DDX10: variants seen among roughly 807,000 people sequenced by gnomAD.
The protein encoded by DDX10 is DEAD-box helicase 10, also known as probable ATP-dependent RNA helicase DDX10.
In DDX10, 74 loss-of-function variants were observed where a neutral mutation model predicts 104.3. The ratio of observed to expected loss-of-function variants is 0.71; its 90% CI spans 0.59 to 0.86. The LOEUF is 0.86. Among genes scored for constraint, DDX10 ranks in the 40% least tolerant of loss-of-function variants. DDX10 has a pLI of 0.00. For missense variants in DDX10, 952 were observed against 1,040.0 expected, an observed-to-expected ratio of 0.92 and a Z score of 1.16; for synonymous variants, 351 against 353.4, an observed-to-expected ratio of 0.99 and a Z score of 0.08.
At chr11:108,765,005 A>T (rs2094354862) in intron 13 of DDX10, among the ~76,000 whole-genome samples, 1 of 152,208 alleles carries the variant, frequency 6.6e-6, no homozygotes, top group Admixed American at 6.5e-5. Flanking sequence ...GCAATTTAAA[A>T]TTTATTTCTT....
intron 13 of DDX10, among the ~76,000 whole-genome samples, chr11:108,837,328 A>G (rs2134592394): frequency 6.6e-6 from 1 of 152,298 alleles, no homozygotes; most frequent in East Asian, 1.9e-4. Flanking sequence ...TGGAAGCTGC[A>G]TTGGGTTAAG....
rs187911651 is a variant in DDX10 at position 108,827,596 on chromosome 11, A to C, written c.1966-10850A>C. Among the ~76,000 whole-genome samples the C allele has an allele frequency of 3.2e-4, 49 of 152,346 alleles. No individual in the cohort carries two copies. The East Asian group carries it at 9.2e-3, about 29-fold the overall frequency. ...CCTACGAGACTTCTTAAACGATTAT[A>C]AATTATTTCCATAATTCATAATTTA... On this transcript the variant is annotated intron_variant, in intron 13 of 17. Coordinates refer to ENST00000322536, the MANE Select transcript of DDX10 (RefSeq NM_004398.4).
At chr11:108,908,395 C>T (rs1323929148) in intron 16 of DDX10, among the ~76,000 whole-genome samples, 1 of 151,984 alleles carries the variant, frequency 6.6e-6, no homozygotes, top group African/African-American at 2.4e-5. Flanking sequence ...GGAATTTTTC[C>T]TCTTCATGAA....
Position 108,665,281 on chromosome 11 carries a change from A to G in DDX10, c.128A>G (p.Lys43Arg), listed in dbSNP as rs146383117. The G allele has an allele frequency of 2.7e-5, 44 of 1,607,858 alleles. No homozygotes were observed. In the African/African-American group the frequency reaches 5.2e-4, roughly 19 times the overall value. The part of the protein sequence containing the change: ...KKKQLRKQLK[K>R]PEWQVERESI... ...AAGCAGTTGAGGAAGCAACTGAAGA[A>G]ACCCGAATGGCAGGTCGAGCGCGAG... Residue 43 changes from lysine to arginine, a missense_variant, in exon 1 of 18, where the codon AAA (lysine) becomes AGA (arginine). This residue lies in a region of DDX10 where 412 missense variants were observed against 479.2 expected (regional missense o/e 0.86). Transcript: ENST00000322536.
At position 108,818,663 on chromosome 11, in the gene DDX10, T is replaced by C. The variant is rs371292751; in HGVS notation, c.1966-19783T>C. On this transcript the variant is annotated intron_variant, in intron 13 of 17. Coordinates refer to ENST00000322536, the MANE Select transcript of DDX10 (RefSeq NM_004398.4). ...TGAGTCAACTGAATCTTTTAAATTA[T>C]TGTACGGTACAAATAACCAAAGTGC... Among the ~76,000 whole-genome samples the C allele has an allele frequency of 2.6e-4, 39 of 152,370 alleles. No individual in the cohort carries two copies. In the East Asian group the frequency reaches 3.5e-3, roughly 14 times the overall value.
chr11:108,847,241 CA>C (rs1350434499), intron 15 of DDX10, among the ~76,000 whole-genome samples: 1 of 152,150 alleles, frequency 6.6e-6, no homozygotes, highest in Admixed American at 6.5e-5. Flanking sequence ...TCTAATAATT[CA>C]GTCAGAACTG....
intron 16 of DDX10, among the ~76,000 whole-genome samples, chr11:108,900,526 T>C (rs1015191160): frequency 1.3e-5 from 2 of 152,250 alleles, no homozygotes; most frequent in African/African-American, 2.4e-5. Context: ...CCAAGCTTAG[T>C]ATAAGACACT....
In DDX10 at chr11:108,835,895, G is replaced by A. The variant is rs2615758; in HGVS notation, c.1966-2551G>A. On this transcript the variant is annotated intron_variant, in intron 13 of 17. Coordinates refer to ENST00000322536, the MANE Select transcript of DDX10 (RefSeq NM_004398.4). ...GATCGTTTGTTACTCCATGTTGGGA[G>A]ATGGGGGTTTTCCTTTGGTTTAGCT... Among the ~76,000 whole-genome samples the A allele has an allele frequency of 5.5e-4, 84 of 152,282 alleles. 1 individual carries two copies. The East Asian group carries it at 0.013, about 24-fold the overall frequency.
In DDX10 at chr11:108,699,442, A is replaced by G. The variant is rs115996460; in HGVS notation, c.1223+5842A>G. Among the ~76,000 whole-genome samples the G allele has an allele frequency of 3.0e-3, 452 of 152,256 alleles. 4 individuals carry two copies. Among genetic ancestry groups the G allele is most frequent in the African/African-American group, 0.01 (420 of 41,538 alleles). ...TAGGGTTGCATTCATTCTCAGATTT[A>G]TTCACATGGTTGTTTCCAGATTCAT... is the stretch of plus-strand genomic sequence containing the variant. On this transcript the variant is annotated intron_variant, in intron 9 of 17. Coordinates refer to ENST00000322536, the MANE Select transcript of DDX10 (RefSeq NM_004398.4).
chr11:108,910,866 G>A (rs1168020466), intron 16 of DDX10, among the ~76,000 whole-genome samples: 1 of 151,686 alleles, frequency 6.6e-6, no homozygotes, highest in East Asian at 1.9e-4. Flanking sequence ...TGGAAGGGTG[G>A]AGAAAGATGA....
chr11:108,901,362 T>A (rs1028184294), intron 16 of DDX10, among the ~76,000 whole-genome samples: 2 of 152,242 alleles, frequency 1.3e-5, no homozygotes, highest in African/African-American at 4.8e-5. Flanking sequence ...ATAAGCCCAT[T>A]GTTCTTTCTA....
At chr11:108,711,686 T>A (rs946342602) in intron 10 of DDX10, among the ~76,000 whole-genome samples, 4 of 152,214 alleles carry the variant, frequency 2.6e-5, no homozygotes, top group African/African-American at 9.6e-5. Flanking sequence ...ATTGTATGAT[T>A]TATATTATTT....
In DDX10 at chr11:108,715,059, AT is replaced by A. The variant is rs537228602; in HGVS notation, c.1323-810del. On this transcript the variant is annotated intron_variant, in intron 10 of 17. Coordinates refer to ENST00000322536, the MANE Select transcript of DDX10 (RefSeq NM_004398.4). ...TTTGTGAAGCCTAGACCTCTTTAAA[AT>A]TTTTTTTTTCTTTCCCTGTAGCTTA... Among the ~76,000 whole-genome samples, 193 of 135,106 alleles carry A rather than the reference AT, an allele frequency of 1.4e-3. 3 individuals are homozygous for A. The highest frequency in any genetic ancestry group is 2.6e-3 in the Non-Finnish European group (157 of 60,336). The allele number at this position is 135,106 out of a possible 152,430, so 88.6% of individuals were successfully genotyped here. A position where few individuals can be genotyped will look rare whatever the true frequency, so the allele number is the denominator to read the frequency against.
At chr11:108,749,102 T>C (rs997273602) in intron 13 of DDX10, among the ~76,000 whole-genome samples, 2 of 151,806 alleles carry the variant, frequency 1.3e-5, no homozygotes, top group Admixed American at 1.3e-4. Context: ...ATATATTATA[T>C]ATAGTTTCTT....
intron 2 of DDX10, among the ~76,000 whole-genome samples, chr11:108,674,713 A>G (rs1366244507): frequency 2.6e-5 from 4 of 152,212 alleles, no homozygotes; most frequent in East Asian, 1.9e-4. Flanking sequence ...GAGTTTTGCC[A>G]TGTTGCCCAG....
At chr11:108,685,585 T>A (rs912945342) in intron 6 of DDX10, among the ~76,000 whole-genome samples, 20 of 152,230 alleles carry the variant, frequency 1.3e-4, no homozygotes, top group African/African-American at 2.9e-4. Flanking sequence ...TATAAAATCC[T>A]TCTAGCAGGA....
chr11:108,884,020 C>T (rs966661966), intron 16 of DDX10, among the ~76,000 whole-genome samples: 2 of 152,160 alleles, frequency 1.3e-5, no homozygotes, highest in African/African-American at 4.8e-5. Context: ...TGGATGATCT[C>T]ATCCATTTTC....
chr11:108,911,977 A>G (rs1863686842), intron 16 of DDX10, among the ~76,000 whole-genome samples: 1 of 152,044 alleles, frequency 6.6e-6, no homozygotes, highest in Admixed American at 6.5e-5. Flanking sequence ...TATTTAAGAG[A>G]GGTCTGATGT....
chr11:108,795,262 T>A (rs1421825117), intron 13 of DDX10, among the ~76,000 whole-genome samples: 1 of 151,592 alleles, frequency 6.6e-6, no homozygotes, highest in East Asian at 1.9e-4. Context: ...TTCTCCAAAT[T>A]GTCTGGGCCT....
Sources: allele counts gnomAD v4.1 joint callset (sites outside exome capture counted in the v4.1 genomes callset), GRCh38; gene constraint gnomAD v4.1.1; regional missense constraint gnomAD v4.1.1; transcripts MANE v1.5; gene names NCBI Gene and HGNC (gene_info 2026-07-23, HGNC 2026-07-21).